CLTCL1: variants seen among roughly 807,000 people sequenced by gnomAD.
CLTCL1 encodes clathrin heavy chain 2.
A neutral mutation model predicts 190.0 loss-of-function variants in CLTCL1; 159 were observed. The ratio of observed to expected loss-of-function variants is 0.84; its 90% CI spans 0.74 to 0.95. The LOEUF (loss-of-function observed/expected upper bound fraction) is 0.95. CLTCL1 is among the 40% of genes least tolerant of loss of function. The pLI is 0.00. For synonymous variants in CLTCL1, 752 were observed against 769.6 expected (o/e 0.98, Z 0.38); for missense variants, 1,878 against 2,033.4 (o/e 0.92, Z 1.47).
At chr22:19,213,468 A>C (rs555153147) in intron 19 of CLTCL1, among the ~76,000 whole-genome samples, 2 of 152,368 alleles carry the variant, frequency 1.3e-5, no homozygotes, top group South Asian at 4.1e-4. Context: ...TTAAACAAAA[A>C]TCTGGACACA....
Position 19,254,018 on chromosome 22 carries a change from T to C in CLTCL1, c.460A>G (p.Ile154Val). ...RHTSLVGCQV[I>V]HYRTDEYQKW... Reference sequence around the variant, plus strand: ...TGGTACTCATCAGTCCGGTAGTGAATCACCTGGCAGCCCACCAGACTGGTA... The same window carrying C: ...TGGTACTCATCAGTCCGGTAGTGAACCACCTGGCAGCCCACCAGACTGGTA... Residue 154 changes from isoleucine to valine, a missense_variant, in exon 3 of 33, where the codon ATT becomes GTT. Transcript: ENST00000427926. 3.7e-6 allele frequency: 6 copies of C among 1,613,010 alleles called. No homozygotes were observed. The highest frequency in any genetic ancestry group is 3.3e-5 in the South Asian group (3 of 90,852).
At chr22:19,276,175 C>T (rs361787) in intron 1 of CLTCL1, among the ~76,000 whole-genome samples, 99,892 of 151,850 alleles carry the variant, frequency 0.66, 33,222 homozygotes, top group African/African-American at 0.74. Flanking sequence ...AGCCCACCAC[C>T]GAGGAGAGCT....
chr22:19,204,667 G>A (rs2084996663), intron 22 of CLTCL1, among the ~76,000 whole-genome samples: 1 of 152,190 alleles, frequency 6.6e-6, no homozygotes, highest in African/African-American at 2.4e-5. Flanking sequence ...TCTATCAAAG[G>A]GGTAAGCATG....
intron 27 of CLTCL1, among the ~76,000 whole-genome samples, chr22:19,190,317 G>A (rs1476602671): frequency 6.6e-6 from 1 of 152,178 alleles, no homozygotes; most frequent in Non-Finnish European, 1.5e-5. Context: ...CCAAGGAAAG[G>A]AAGAGGGACC....
chr22:19,253,883 T>G (rs2086671845), intron 3 of CLTCL1, 76 bp downstream of exon 3: 5 of 1,531,368 alleles, frequency 3.3e-6, no homozygotes, highest in Non-Finnish European at 3.5e-6. Flanking sequence ...CAACTTCTAA[T>G]GATTTAACCA....
chr22:19,234,428 G>A, intron 7 of CLTCL1, 81 bp downstream of exon 7: 2 of 1,269,950 alleles, frequency 1.6e-6, no homozygotes, highest in Non-Finnish European at 2.2e-6. Context: ...TATCACTAGT[G>A]AAATGCTTTT....
At chr22:19,228,975 CA>C (rs1319804131) in intron 11 of CLTCL1, among the ~76,000 whole-genome samples, 2 of 152,158 alleles carry the variant, frequency 1.3e-5, no homozygotes, top group Non-Finnish European at 2.9e-5. Flanking sequence ...AACAGCTGAG[CA>C]TTGCTGGGAA....
chr22:19,276,781 T>C (rs1008154507), intron 1 of CLTCL1, among the ~76,000 whole-genome samples: 1 of 152,192 alleles, frequency 6.6e-6, no homozygotes, highest in Admixed American at 6.5e-5. Flanking sequence ...GCCATTCTCC[T>C]GCCTCAGCCT....
At position 19,179,782 on chromosome 22, in the gene CLTCL1, C is replaced by G. The variant is rs2084065352; in HGVS notation, c.*208G>C. The G allele has an allele frequency of 4.8e-6, 1 of 209,152 alleles. No individual in the cohort carries two copies. The highest frequency in any genetic ancestry group is 8.2e-5 in the South Asian group (1 of 12,254). The allele number at this position is 209,152 out of a possible 1,614,324, so 13.0% of individuals were successfully genotyped here. A position where few individuals can be genotyped will look rare whatever the true frequency, so the allele number is the denominator to read the frequency against. On this transcript the variant is annotated 3_prime_UTR_variant, in exon 33 of 33. Transcript: ENST00000427926. ...CAAAAATAAATATTGTCCAGGTGTCCCTGCCTCCCATTGCGTCCCCTGTGC... is the reference window on the plus strand; with the variant it reads ...CAAAAATAAATATTGTCCAGGTGTCGCTGCCTCCCATTGCGTCCCCTGTGC...
intron 26 of CLTCL1, among the ~76,000 whole-genome samples, chr22:19,195,509 T>A (rs2084668262): frequency 6.7e-6 from 1 of 148,920 alleles, no homozygotes; most frequent in Non-Finnish European, 1.5e-5. Context: ...AGCTCACTGC[T>A]GTGCCACTCC....
intron 1 of CLTCL1, among the ~76,000 whole-genome samples, chr22:19,283,678 TA>T (rs758913982): frequency 4.6e-5 from 7 of 151,666 alleles, no homozygotes; most frequent in Non-Finnish European, 8.8e-5. Context: ...AGCCTGCAAT[TA>T]AATCAATCAA....
At chr22:19,281,538 A>G (rs1158842906) in intron 1 of CLTCL1, among the ~76,000 whole-genome samples, 2 of 152,192 alleles carry the variant, frequency 1.3e-5, no homozygotes, top group African/African-American at 4.8e-5. Context: ...CCTCAATAAA[A>G]TTTGGCAGTG....
intron 1 of CLTCL1, among the ~76,000 whole-genome samples, chr22:19,283,267 A>T (rs992422535): frequency 2.0e-4 from 30 of 151,002 alleles, no homozygotes; most frequent in East Asian, 6.0e-4. Context: ...ACACATTTTT[A>T]AAAAAATTTT....
chr22:19,282,917 G>A (rs2087774486), intron 1 of CLTCL1, among the ~76,000 whole-genome samples: 1 of 148,668 alleles, frequency 6.7e-6, no homozygotes, highest in African/African-American at 2.5e-5. Flanking sequence ...CACCCAGGCT[G>A]GAGTGCAGTG....
intron 1 of CLTCL1, among the ~76,000 whole-genome samples, chr22:19,283,991 C>CAAA (rs1221211147): frequency 9.6e-5 from 6 of 62,448 alleles, no homozygotes; most frequent in Non-Finnish European, 6.8e-5. Context: ...GACCCTGTCT[C>CAAA]AAAAAAAAAA....
intron 26 of CLTCL1, among the ~76,000 whole-genome samples, chr22:19,193,347 C>T (rs191986151): frequency 3.5e-4 from 53 of 152,352 alleles, no homozygotes; most frequent in African/African-American, 1.2e-3. Flanking sequence ...CAGGGACACA[C>T]ATCTCTGTTG....
chr22:19,277,282 C>T (rs1014779442), intron 1 of CLTCL1, among the ~76,000 whole-genome samples: 3 of 152,108 alleles, frequency 2.0e-5, no homozygotes, highest in Non-Finnish European at 4.4e-5. Context: ...CCTGTTAACC[C>T]ACTGAGACAA....
chr22:19,220,005 C>T lies in CLTCL1; in HGVS notation c.2799G>A (p.Val933=), dbSNP rs1569186272. 9 of 1,613,828 alleles carry T rather than the reference C, an allele frequency of 5.6e-6. No individual in the cohort carries two copies. Among genetic ancestry groups the T allele is most frequent in the Admixed American group, 3.3e-5 (2 of 60,010 alleles). ...TTTTGAACAGAGAATTCTCATTGCA[C>T]ACCTGAAATGAGCACACTCATGTGT... ...RGQCDLELIK[V]CNENSLFKSE... Residue 933 remains valine, a splice_region_variant and synonymous_variant, in exon 18 of 33, where the codon GTG becomes GTA. Coordinates refer to ENST00000427926, the MANE Select transcript of CLTCL1 (RefSeq NM_007098.4).
At chr22:19,233,015 T>C (rs147464164) in intron 9 of CLTCL1, 151 bp downstream of exon 9, 155 of 829,570 alleles carry the variant, frequency 1.9e-4, no homozygotes, top group Middle Eastern at 3.8e-4. Context: ...GAATAAAATA[T>C]GATCATTATG....
Sources: gnomAD v4.1 joint callset for allele counts (sites outside exome capture counted in the v4.1 genomes callset) on GRCh38, gnomAD v4.1.1 for gene constraint, MANE v1.5 for transcripts, NCBI Gene and HGNC (gene_info 2026-07-23, HGNC 2026-07-21) for gene names.